Variants in SPICE1 observed in about 807,000 individuals in gnomAD.
The protein encoded by SPICE1 is spindle and centriole associated protein 1.
In SPICE1, 75 loss-of-function variants were observed where a neutral mutation model predicts 102.7. The ratio of observed to expected loss-of-function variants is 0.73; its 90% confidence interval spans 0.61 to 0.88. The LOEUF is 0.88. Ranked by LOEUF, SPICE1 falls within the 40% of genes least tolerant of loss-of-function variation. The probability of loss-of-function intolerance (pLI) is 0.00; values close to 1 mark genes in which losing one functional copy is unlikely to be tolerated. For missense variants in SPICE1, 979 were observed against 1,020.1 expected (o/e 0.96, Z 0.55); for synonymous variants, 308 against 350.3 (o/e 0.88, Z 1.35).
At chr3:113,509,675 A>G (rs1421751650) in intron 1 of SPICE1, among the ~76,000 whole-genome samples, 1 of 152,178 alleles carries the variant, frequency 6.6e-6, no homozygotes, top group Middle Eastern at 3.2e-3. Context: ...AACTAATTAA[A>G]TATATAAGTG....
chr3:113,491,557 A>G (rs1304630742), intron 6 of SPICE1, among the ~76,000 whole-genome samples: 1 of 147,470 alleles, frequency 6.8e-6, no homozygotes, highest in Non-Finnish European at 1.5e-5. Flanking sequence ...TCCGGGAGGC[A>G]CAGCTTGCAG....
At chr3:113,481,291 T>C (rs904179411) in intron 7 of SPICE1, among the ~76,000 whole-genome samples, 1 of 152,076 alleles carries the variant, frequency 6.6e-6, no homozygotes, top group Non-Finnish European at 1.5e-5. Context: ...CAAAATTCCA[T>C]TTAAAAGAAT....
chr3:113,499,233 G>C, intron 4 of SPICE1: 1 of 436,806 alleles, frequency 2.3e-6, no homozygotes, highest in South Asian at 5.8e-5. Flanking sequence ...GGGTCACACA[G>C]CTGGTAAGTA....
intron 7 of SPICE1, among the ~76,000 whole-genome samples, chr3:113,483,380 A>G (rs1301583570): frequency 6.6e-6 from 1 of 152,112 alleles, no homozygotes; most frequent in Non-Finnish European, 1.5e-5. Context: ...CTCTTTTCCT[A>G]CTTGAATGCC....
chr3:113,481,828 T>A (rs1936513946), intron 7 of SPICE1, among the ~76,000 whole-genome samples: 1 of 152,202 alleles, frequency 6.6e-6, no homozygotes, highest in Non-Finnish European at 1.5e-5. Flanking sequence ...GATGGGCACA[T>A]GGGTTGGTTC....
At chr3:113,486,038 G>A (rs1218584636) in intron 7 of SPICE1, among the ~76,000 whole-genome samples, 2 of 152,020 alleles carry the variant, frequency 1.3e-5, no homozygotes, top group Non-Finnish European at 2.9e-5. Flanking sequence ...TTGAACCTGG[G>A]ATGTGGAGGT....
chr3:113,508,719 CA>C (rs1937160634), intron 1 of SPICE1, among the ~76,000 whole-genome samples: 1 of 152,158 alleles, frequency 6.6e-6, no homozygotes, highest in Non-Finnish European at 1.5e-5. Context: ...AAGCTAAACA[CA>C]GAGTAACAAC....
In SPICE1 at chr3:113,450,334, A is replaced by G; in HGVS notation, c.2323+2T>C. On this transcript the variant is annotated splice_donor_variant, in intron 15 of 17. Coordinates refer to ENST00000295872, the MANE Select transcript of SPICE1 (RefSeq NM_144718.4). LOFTEE classifies it high-confidence loss of function. Reference sequence around the variant, plus strand: ...TTTTTAAATCATGAATTTGTGACCAACCAGTCCATGCTCTGAGAGGTAACT... The same window carrying G: ...TTTTTAAATCATGAATTTGTGACCAGCCAGTCCATGCTCTGAGAGGTAACT... The G allele has an allele frequency of 6.2e-7, 1 of 1,613,982 alleles. No individual in the cohort carries two copies. Among genetic ancestry groups the G allele is most frequent in the Non-Finnish European group, 8.5e-7 (1 of 1,179,932 alleles).
chr3:113,496,698 G>A (rs1396825576), intron 4 of SPICE1, among the ~76,000 whole-genome samples: 1 of 152,172 alleles, frequency 6.6e-6, no homozygotes, highest in East Asian at 1.9e-4. Context: ...GCTTCAGGTG[G>A]ATGGGTCCTG....
intron 2 of SPICE1, among the ~76,000 whole-genome samples, chr3:113,504,571 CAAAA>C (rs71633321): frequency 1.2e-4 from 8 of 67,854 alleles, no homozygotes; most frequent in African/African-American, 2.2e-4. Flanking sequence ...GACCTTGTCT[CAAAA>C]AAAAAAAAAA....
At position 113,457,620 on chromosome 3, in the gene SPICE1, T is replaced by A. The variant is rs1935809984; in HGVS notation, c.1436-263A>T. On this transcript the variant is annotated intron_variant, in intron 12 of 17. Transcript: ENST00000295872. ...CATGAAAAGCGAGCCAGTTAGGGAC[T>A]CCTAAAAAATCCTATGTGGCATTCC... Among the ~76,000 whole-genome samples, 3 of 152,250 alleles carry A rather than the reference T, an allele frequency of 2.0e-5. No homozygotes were observed. In the South Asian group the frequency reaches 6.2e-4, roughly 32 times the overall value.
chr3:113,448,104 C>T lies in SPICE1; in HGVS notation c.2360G>A (p.Gly787Glu). The T allele has an allele frequency of 6.2e-7, 1 of 1,611,362 alleles. No homozygotes were observed. The highest frequency in any genetic ancestry group is 8.5e-7 in the Non-Finnish European group (1 of 1,178,682). Reference protein sequence around the residue: ...AKRTIEVSIPGAEAPESSKCS... With the variant: ...AKRTIEVSIPEAEAPESSKCS... Reference sequence around the variant, plus strand: ...TTTTGAGCTTTCTGGGGCTTCTGCTCCTGGAATAGATACCTCAATTGTCCT... The same window carrying T: ...TTTTGAGCTTTCTGGGGCTTCTGCTTCTGGAATAGATACCTCAATTGTCCT... The change falls in exon 16 of 18, where the codon GGA (glycine) becomes GAA (glutamate). Residue 787 changes from glycine (G) to glutamate (E), a missense_variant. Transcript: ENST00000295872.
chr3:113,505,660 G>C (rs1292239341), intron 2 of SPICE1, among the ~76,000 whole-genome samples: 1 of 152,190 alleles, frequency 6.6e-6, no homozygotes, highest in African/African-American at 2.4e-5. Flanking sequence ...CAGCACTTTG[G>C]GAAGCGAAGG....
intron 7 of SPICE1, among the ~76,000 whole-genome samples, chr3:113,472,652 C>T (rs927329114): frequency 3.9e-5 from 6 of 152,186 alleles, no homozygotes; most frequent in Non-Finnish European, 8.8e-5. Flanking sequence ...CTGCAGCCAC[C>T]GCTGCTGATA....
Position 113,460,642 on chromosome 3 carries a change from T to C in SPICE1, c.1410A>G (p.Thr470=). 6.2e-7 allele frequency: 1 copy of C among 1,613,414 alleles called. No homozygotes were observed. The highest frequency in any genetic ancestry group is 8.5e-7 in the Non-Finnish European group (1 of 1,179,594). ...CTGGACTGTCCATAACTCTTCTACC[T>C]GTGGCTCCGCTTTCTGATGCCTGAA... The part of the protein sequence containing the change: ...QEIQASESGA[T]GRRVMDSPER... The change falls in exon 12 of 18, where the codon ACA becomes ACG. Residue 470 remains threonine (T), a synonymous_variant. Coordinates refer to ENST00000295872, the MANE Select transcript of SPICE1 (RefSeq NM_144718.4).
At chr3:113,500,104 G>A (rs1417282188) in intron 3 of SPICE1, among the ~76,000 whole-genome samples, 2 of 152,138 alleles carry the variant, frequency 1.3e-5, no homozygotes, top group South Asian at 2.1e-4. Context: ...TCATGTGGGA[G>A]TGGGTCACTG....
At chr3:113,448,285 G>T (rs1935565129) in intron 15 of SPICE1, 145 bp from the exon 16 acceptor site, 3 of 607,418 alleles carry the variant, frequency 4.9e-6, no homozygotes, top group Non-Finnish European at 5.0e-6. Context: ...ACACTTGAAA[G>T]ACTTTTTTTT....
chr3:113,458,440 C>T (rs1935836439), intron 12 of SPICE1, among the ~76,000 whole-genome samples: 1 of 152,242 alleles, frequency 6.6e-6, no homozygotes. Flanking sequence ...TCTCCAGCTC[C>T]TGACCGCGAG....
chr3:113,508,385 A>T (rs1020426575), intron 1 of SPICE1, among the ~76,000 whole-genome samples: 9 of 152,186 alleles, frequency 5.9e-5, no homozygotes, highest in Non-Finnish European at 1.0e-4. Context: ...CTGATAAAGG[A>T]CTTGAATCCA....
Sources: gnomAD v4.1 joint callset for allele counts (sites outside exome capture counted in the v4.1 genomes callset) on GRCh38, gnomAD v4.1.1 for gene constraint, MANE v1.5 for transcripts, NCBI Gene and HGNC (gene_info 2026-07-23, HGNC 2026-07-21) for gene names.